PCDHA11: variants seen among roughly 807,000 people sequenced by gnomAD.
PCDHA11 encodes the protein protocadherin alpha 11, also known as protocadherin alpha-11.
A neutral mutation model predicts 70.3 loss-of-function variants in PCDHA11; 61 were observed. The ratio of observed to expected loss-of-function variants is 0.87; its 90% CI spans 0.71 to 1.07. The LOEUF is 1.07. Ranked by LOEUF, PCDHA11 falls within the 50% of genes least tolerant of loss-of-function variation. The probability of loss-of-function intolerance (pLI) is 0.00; values close to 1 mark genes in which losing one functional copy is unlikely to be tolerated. For missense variants in PCDHA11, 1,324 were observed against 1,237.5 expected, an observed-to-expected ratio of 1.07 and a Z score of -1.05; for synonymous variants, 633 against 555.1, an observed-to-expected ratio of 1.14 and a Z score of -1.97.
At chr5:140,924,464 G>A (rs1358240470) in intron 1 of PCDHA11, among the ~76,000 whole-genome samples, 1 of 152,196 alleles carries the variant, frequency 6.6e-6, no homozygotes, top group Non-Finnish European at 1.5e-5. Flanking sequence ...TGTTTAGGGA[G>A]GTAACTGGTT....
At chr5:140,947,550 G>T (rs967081376) in intron 1 of PCDHA11, among the ~76,000 whole-genome samples, 1 of 151,402 alleles carries the variant, frequency 6.6e-6, no homozygotes, top group Non-Finnish European at 1.5e-5. Flanking sequence ...AAAGAATTCC[G>T]CTGGGATTTA....
chr5:140,918,991 G>A (rs1453656237), intron 1 of PCDHA11, among the ~76,000 whole-genome samples: 2 of 152,184 alleles, frequency 1.3e-5, no homozygotes, highest in African/African-American at 4.8e-5. Flanking sequence ...GGTTTTTAGT[G>A]TTGTTCACAT....
At chr5:140,880,010 A>G (rs958851507) in intron 1 of PCDHA11, among the ~76,000 whole-genome samples, 1 of 152,232 alleles carries the variant, frequency 6.6e-6, no homozygotes, top group African/African-American at 2.4e-5. Flanking sequence ...TATTCACCAT[A>G]TAAAGTAAAA....
At chr5:141,003,536 C>T (rs1409675219) in intron 3 of PCDHA11, among the ~76,000 whole-genome samples, 1 of 152,152 alleles carries the variant, frequency 6.6e-6, no homozygotes, top group Non-Finnish European at 1.5e-5. Context: ...TGGTCTTGAA[C>T]TCCTGGCTTC....
At chr5:140,911,759 T>A (rs2075630155) in intron 1 of PCDHA11, among the ~76,000 whole-genome samples, 3 of 152,026 alleles carry the variant, frequency 2.0e-5, no homozygotes, top group South Asian at 2.1e-4. Context: ...TTCTCCATAC[T>A]ATTAGAAGTA....
intron 1 of PCDHA11, 63 bp downstream of exon 1, chr5:140,871,557 T>C (rs2053187983): frequency 1.3e-6 from 2 of 1,489,740 alleles, no homozygotes. Flanking sequence ...AATCCAGTTT[T>C]TTTTCACGGA....
chr5:140,987,213 C>CA (rs58319157), intron 3 of PCDHA11, among the ~76,000 whole-genome samples: 3,048 of 118,770 alleles, frequency 0.026, 41 homozygotes, highest in Middle Eastern at 0.12. Flanking sequence ...GACTCCATCT[C>CA]AAAAAAAAAA....
intron 3 of PCDHA11, among the ~76,000 whole-genome samples, chr5:140,994,117 G>A (rs889813029): frequency 2.6e-5 from 4 of 152,198 alleles, no homozygotes; most frequent in Admixed American, 6.5e-5. Flanking sequence ...ATTGTCATGT[G>A]ATAAGGGCGA....
intron 1 of PCDHA11, among the ~76,000 whole-genome samples, chr5:140,923,795 A>C (rs1282849925): frequency 6.6e-6 from 1 of 152,360 alleles, no homozygotes; most frequent in African/African-American, 2.4e-5. Context: ...CATTCTTTTC[A>C]CAAATGAAAT....
chr5:140,902,756 C>A (rs1434955469), intron 1 of PCDHA11, among the ~76,000 whole-genome samples: 1 of 150,258 alleles, frequency 6.7e-6, no homozygotes, highest in Admixed American at 6.6e-5. Flanking sequence ...TTATATCATT[C>A]TTATGTCTTT....
Position 140,967,085 on chromosome 5 carries a change from C to A in PCDHA11, c.2392-11864C>A, listed in dbSNP as rs155809. On this transcript the variant is annotated intron_variant, in intron 1 of 3. Coordinates refer to ENST00000398640, the MANE Select transcript of PCDHA11 (RefSeq NM_018902.5). ...GCTCTTCGTCAACGAGCGCATTGAT[C>A]GGGAGGCGCTGTGTGAGCAGCGGCC... The A allele has an allele frequency of 3.0e-3, 4,870 of 1,613,198 alleles. 112 individuals are homozygous for A. The African/African-American group carries it at 0.056, about 18-fold the overall frequency.
intron 1 of PCDHA11, chr5:140,877,005 C>A (rs1433546348): frequency 6.2e-7 from 1 of 1,612,356 alleles, no homozygotes; most frequent in African/African-American, 1.3e-5. Flanking sequence ...TGTCGGTGCA[C>A]GCGGAGAGCG....
At position 140,869,231 on chromosome 5, in the gene PCDHA11, C is replaced by T. The variant is rs781820629; in HGVS notation, c.128C>T (p.Thr43Ile). 1.8e-5 allele frequency: 29 copies of T among 1,613,712 alleles called. No individual in the cohort carries two copies. The highest frequency in any genetic ancestry group is 2.3e-5 in the Non-Finnish European group (27 of 1,179,966). Reference protein sequence around the residue: ...YSVSEEAKHGTFVGRIAQDLG... With the variant: ...YSVSEEAKHGIFVGRIAQDLG... ...GTCTCGGAGGAGGCCAAACACGGCA[C>T]CTTCGTGGGCCGCATCGCGCAGGAC... The change falls in exon 1 of 4, where the codon ACC becomes ATC. Residue 43 changes from threonine to isoleucine, a missense_variant. Physicochemically the swap from Thr to Ile is moderately conservative, Grantham distance 89 (BLOSUM62 -1). Coordinates refer to ENST00000398640, the MANE Select transcript of PCDHA11 (RefSeq NM_018902.5).
Position 140,868,958 on chromosome 5 carries a change from T to C in PCDHA11, c.-146T>C, listed in dbSNP as rs1033698977. ...TGGTCTGAACAGTGAGGCACTCCCATACAAAGGAACTCCATCATACCGGAT... is the reference window on the plus strand; with the variant it reads ...TGGTCTGAACAGTGAGGCACTCCCACACAAAGGAACTCCATCATACCGGAT... On this transcript the variant is annotated 5_prime_UTR_variant, in exon 1 of 4. Coordinates refer to ENST00000398640, the MANE Select transcript of PCDHA11 (RefSeq NM_018902.5). 1 of 1,397,386 alleles carries C rather than the reference T, an allele frequency of 7.2e-7. No individual in the cohort carries two copies. The highest frequency in any genetic ancestry group is 1.4e-5 in the African/African-American group (1 of 69,436). 86.6% of individuals were successfully genotyped at this position (1,397,386 alleles called of 1,614,324 possible). A position where few individuals can be genotyped will look rare whatever the true frequency, so the allele number is the denominator to read the frequency against.
At chr5:140,946,610 A>AT (rs2093970425) in intron 1 of PCDHA11, among the ~76,000 whole-genome samples, 1 of 119,932 alleles carries the variant, frequency 8.3e-6, no homozygotes, top group African/African-American at 3.4e-5. Flanking sequence ...AGAAAATGTG[A>AT]AATATATATA....
intron 1 of PCDHA11, among the ~76,000 whole-genome samples, chr5:140,915,392 A>AT (rs1554196880): frequency 6.6e-6 from 1 of 152,072 alleles, no homozygotes; most frequent in African/African-American, 2.4e-5. Context: ...AGAGCTAGGT[A>AT]TTTCTTATAG....
At chr5:140,973,665 T>G (rs1309458037) in intron 1 of PCDHA11, among the ~76,000 whole-genome samples, 1 of 152,248 alleles carries the variant, frequency 6.6e-6, no homozygotes, top group African/African-American at 2.4e-5. Context: ...CTATTTATTG[T>G]AGCTTGAATG....
chr5:140,878,253 G>A lies in PCDHA11; in HGVS notation c.2391+6759G>A, dbSNP rs182369955. 2.6e-3 allele frequency among the ~76,000 whole-genome samples: 400 copies of A among 152,208 alleles called. 1 individual carries two copies. The highest frequency in any genetic ancestry group is 9.2e-3 in the African/African-American group (384 of 41,530). Reference sequence around the variant, plus strand: ...AATGGATTCTTTAACTCTTCCTCACGTGCTTAGGCTTTTAAAATAGCCTTC... The same window carrying A: ...AATGGATTCTTTAACTCTTCCTCACATGCTTAGGCTTTTAAAATAGCCTTC... On this transcript the variant is annotated intron_variant, in intron 1 of 3. Transcript: ENST00000398640.
At chr5:140,988,959 C>G (rs1308701267) in intron 3 of PCDHA11, 3 of 152,056 alleles carry the variant, frequency 2.0e-5, no homozygotes, top group Non-Finnish European at 4.4e-5. Context: ...CCTTCAAGCC[C>G]CACGATGGAG....
Sources: gnomAD v4.1 joint callset for allele counts (sites outside exome capture counted in the v4.1 genomes callset) on GRCh38, gnomAD v4.1.1 for gene constraint, MANE v1.5 for transcripts, NCBI Gene and HGNC (gene_info 2026-07-23, HGNC 2026-07-21) for gene names.